The following P3H2 variants were observed in gnomAD, a reference collection of about 807,000 sequenced individuals.
P3H2 encodes the protein prolyl 3-hydroxylase 2, also known as leprecan-like 1.
In P3H2, 80 loss-of-function variants were observed where a neutral mutation model predicts 87.0. That is an observed-to-expected ratio of 0.92 (90% CI 0.77 to 1.11). The LOEUF is 1.11. Among genes scored for constraint, P3H2 ranks in the 50% least tolerant of loss-of-function variants. P3H2 has a pLI of 0.00. For synonymous variants in P3H2, 367 were observed against 359.3 expected (o/e 1.02, Z -0.24); for missense variants, 1,001 against 923.9 (o/e 1.08, Z -1.08).
chr3:190,095,911 C>G (rs1727569602), intron 1 of P3H2, among the ~76,000 whole-genome samples: 1 of 152,030 alleles, frequency 6.6e-6, no homozygotes, highest in Non-Finnish European at 1.5e-5. Context: ...CAAAAACAGG[C>G]TGTAATTCTA....
chr3:190,109,609 G>A (rs1711987443), intron 1 of P3H2, among the ~76,000 whole-genome samples: 1 of 152,118 alleles, frequency 6.6e-6, no homozygotes, highest in Non-Finnish European at 1.5e-5. Flanking sequence ...AAAACTATCT[G>A]GTCTTTTCCA....
chr3:190,063,415 T>C lies in P3H2; in HGVS notation c.480+56837A>G, dbSNP rs147757186. On this transcript the variant is annotated intron_variant, in intron 1 of 14. Transcript: ENST00000319332. Reference sequence around the variant, plus strand: ...TTGCTCTGGTCAATACGTTTGGCTATTGCATTACAGACAGTACTAATGGTT... The same window carrying C: ...TTGCTCTGGTCAATACGTTTGGCTACTGCATTACAGACAGTACTAATGGTT... Among the ~76,000 whole-genome samples the C allele has an allele frequency of 1.6e-3, 241 of 152,330 alleles. 1 individual carries two copies. In the East Asian group the frequency reaches 0.024, roughly 15 times the overall value.
intron 1 of P3H2, among the ~76,000 whole-genome samples, chr3:190,070,254 G>C (rs751788404): frequency 1.2e-4 from 18 of 152,048 alleles, no homozygotes; most frequent in Middle Eastern, 3.2e-3. Flanking sequence ...ATTGAGAGAG[G>C]AAGAGAAGCA....
At chr3:190,010,742 T>C (rs1724560704) in intron 1 of P3H2, among the ~76,000 whole-genome samples, 1 of 152,206 alleles carries the variant, frequency 6.6e-6, no homozygotes, top group Non-Finnish European at 1.5e-5. Context: ...AGCAAACTAA[T>C]ATATGCTGAA....
At position 190,110,252 on chromosome 3, in the gene P3H2, A is replaced by G. The variant is rs181551908; in HGVS notation, c.480+10000T>C. The stretch of plus-strand genomic sequence containing the variant: ...GCAATATATGGAGACATTTTTTGTT[A>G]TCACTGCTTGGAGGGGAGTGGACTG... On this transcript the variant is annotated intron_variant, in intron 1 of 14. Coordinates refer to ENST00000319332, the MANE Select transcript of P3H2 (RefSeq NM_018192.4). 2.8e-3 allele frequency among the ~76,000 whole-genome samples: 433 copies of G among 152,276 alleles called. 3 individuals are homozygous for G. Among genetic ancestry groups the G allele is most frequent in the African/African-American group, 0.01 (419 of 41,560 alleles).
intron 1 of P3H2, among the ~76,000 whole-genome samples, chr3:190,088,480 A>T (rs1249504023): frequency 6.6e-6 from 1 of 151,918 alleles, no homozygotes; most frequent in Non-Finnish European, 1.5e-5. Context: ...AAACACATAG[A>T]TCTCTCTTGT....
intron 1 of P3H2, among the ~76,000 whole-genome samples, chr3:190,090,944 C>T (rs2108985651): frequency 6.6e-6 from 1 of 152,196 alleles, no homozygotes; most frequent in Non-Finnish European, 1.5e-5. Flanking sequence ...TCAATACTAT[C>T]ATAGCCTTCT....
At chr3:190,100,250 G>A (rs868864487) in intron 1 of P3H2, among the ~76,000 whole-genome samples, 12 of 70,242 alleles carry the variant, frequency 1.7e-4, no homozygotes, top group Admixed American at 1.6e-3. Flanking sequence ...CCCCCCCGCC[G>A]CCCCCCCCCC....
intron 1 of P3H2, among the ~76,000 whole-genome samples, chr3:190,042,938 G>A (rs1276644569): frequency 6.6e-6 from 1 of 152,076 alleles, no homozygotes; most frequent in African/African-American, 2.4e-5. Context: ...GAAAATGAAG[G>A]CAGATTTTTT....
chr3:190,074,811 A>G (rs190107862), intron 1 of P3H2, among the ~76,000 whole-genome samples: 1 of 152,362 alleles, frequency 6.6e-6, no homozygotes, highest in East Asian at 1.9e-4. Flanking sequence ...TCTCTTTAAT[A>G]GATTATAAAA....
intron 2 of P3H2, among the ~76,000 whole-genome samples, chr3:189,995,085 T>TTTAAAATTTTAA (rs1206844976): frequency 6.6e-6 from 1 of 152,104 alleles, no homozygotes; most frequent in Non-Finnish European, 1.5e-5. Context: ...TATTTCAACT[T>TTTAAAATTTTAA]TTAAAATTTT....
intron 1 of P3H2, among the ~76,000 whole-genome samples, chr3:190,111,313 C>G (rs1712061438): frequency 6.6e-6 from 1 of 152,114 alleles, no homozygotes; most frequent in Non-Finnish European, 1.5e-5. Flanking sequence ...CGGGGCCTTA[C>G]AAATAGTGGT....
At position 189,957,995 on chromosome 3, in the gene P3H2, G is replaced by C; in HGVS notation, c.2044C>G (p.Gln682Glu). The change falls in exon 15 of 15, where the codon CAG becomes GAG. Residue 682 changes from glutamine to glutamate, a missense_variant. Physicochemically the swap from Gln to Glu is conservative, Grantham distance 29. Coordinates refer to ENST00000319332, the MANE Select transcript of P3H2 (RefSeq NM_018192.4). The part of the protein sequence containing the change: ...DPLYRELERI[Q>E]ADEVIAILDQ... ...AGAATTGCAATCACTTCATCAGCCT[G>C]TATTCGCTCCTGCAAAAAAGACAAT... The C allele has an allele frequency of 1.2e-6, 2 of 1,612,688 alleles. No individual in the cohort carries two copies. The highest frequency in any genetic ancestry group is 1.7e-6 in the Non-Finnish European group (2 of 1,178,722).
chr3:189,993,322 CAAAAA>C (rs11337333), intron 3 of P3H2, among the ~76,000 whole-genome samples: 3 of 124,824 alleles, frequency 2.4e-5, no homozygotes, highest in East Asian at 2.4e-4. Flanking sequence ...AACTCTGTCT[CAAAAA>C]AAAAAAAAAA....
At chr3:189,985,591 CATATATAATT>C (rs1245195432) in intron 6 of P3H2, among the ~76,000 whole-genome samples, 5 of 149,254 alleles carry the variant, frequency 3.3e-5, no homozygotes, top group African/African-American at 4.9e-5. Context: ...TCTTAGTAAT[CATATATAATT>C]ATATATAATT....
chr3:190,092,667 T>G (rs1727445503), intron 1 of P3H2, among the ~76,000 whole-genome samples: 1 of 152,212 alleles, frequency 6.6e-6, no homozygotes, highest in South Asian at 2.1e-4. Flanking sequence ...TTTTCAGTCT[T>G]ACTGGTATGT....
chr3:190,118,695 G>A (rs1712392430), intron 1 of P3H2, among the ~76,000 whole-genome samples: 1 of 152,054 alleles, frequency 6.6e-6, no homozygotes, highest in Non-Finnish European at 1.5e-5. Flanking sequence ...TCCACCAACA[G>A]TTGCCAATCT....
intron 13 of P3H2, among the ~76,000 whole-genome samples, chr3:189,966,970 G>C (rs2108905236): frequency 6.6e-6 from 1 of 152,266 alleles, no homozygotes; most frequent in Admixed American, 6.5e-5. Flanking sequence ...GGACTCAGAA[G>C]ACGTTACTTC....
intron 1 of P3H2, among the ~76,000 whole-genome samples, chr3:190,066,486 G>A (rs1023987684): frequency 6.6e-6 from 1 of 151,900 alleles, no homozygotes; most frequent in African/African-American, 2.4e-5. Context: ...GGACTCAGGG[G>A]GTAAGGATGG....
Sources: gnomAD v4.1 joint callset for allele counts (sites outside exome capture counted in the v4.1 genomes callset) on GRCh38, gnomAD v4.1.1 for gene constraint, MANE v1.5 for transcripts, NCBI Gene and HGNC (gene_info 2026-07-23, HGNC 2026-07-21) for gene names.